The following SNX25 variants were observed in gnomAD, a reference collection of about 807,000 sequenced individuals.
The protein encoded by SNX25 is sorting nexin 25, also known as sorting nexin-25.
A neutral mutation model predicts 113.7 loss-of-function variants in SNX25; 62 were observed. The observed-to-expected ratio is 0.55, with a 90% CI of 0.44 to 0.67. The LOEUF is 0.67. Ranked by LOEUF, SNX25 falls within the 30% of genes least tolerant of loss-of-function variation. The probability of loss-of-function intolerance (pLI) is 0.00; values close to 1 mark genes in which losing one functional copy is unlikely to be tolerated. For missense variants in SNX25, 1,014 were observed against 1,161.0 expected, an observed-to-expected ratio of 0.87 and a Z score of 1.84; for synonymous variants, 421 against 436.2, an observed-to-expected ratio of 0.97 and a Z score of 0.43.
chr4:185,375,647 A>ATCACTCCT, the SNX25 span: 1 of 1,611,728 alleles, frequency 6.2e-7, no homozygotes, highest in Non-Finnish European at 8.5e-7. Flanking sequence ...ATCATAGTAC[A>ATCACTCCT]TCACTCCTAG....
chr4:185,339,437 A>T lies in SNX25; in HGVS notation c.1973A>T (p.Gln658Leu). 6.2e-7 allele frequency: 1 copy of T among 1,614,136 alleles called. No homozygotes were observed. The highest frequency in any genetic ancestry group is 8.5e-7 in the Non-Finnish European group (1 of 1,179,996). The change falls in exon 11 of 19, where the codon CAG (glutamine) becomes CTG (leucine). Residue 658 changes from glutamine to leucine, a missense_variant. Coordinates refer to ENST00000652585, the MANE Select transcript of SNX25 (RefSeq NM_001378034.2). Reference sequence around the variant, plus strand: ...ATAGAGAAAGAACGCACAGACCTTCAGCTGCACATGGCAAGAACGGATTGG... The same window carrying T: ...ATAGAGAAAGAACGCACAGACCTTCTGCTGCACATGGCAAGAACGGATTGG... ...ILIEKERTDL[Q>L]LHMARTDWWC...
At chr4:185,312,073 C>G (rs186739298) in intron 7 of SNX25, among the ~76,000 whole-genome samples, 28 of 152,294 alleles carry the variant, frequency 1.8e-4, no homozygotes, top group African/African-American at 6.7e-4. Context: ...CCCCTTCCTC[C>G]TCCTCATTAG....
intron 1 of SNX25, among the ~76,000 whole-genome samples, chr4:185,222,566 G>A (rs185341853): frequency 1.4e-4 from 21 of 152,270 alleles, no homozygotes; most frequent in African/African-American, 3.9e-4. Context: ...GCTATACAGC[G>A]GCATATACCG....
chr4:185,239,805 G>C (rs1401302857), intron 1 of SNX25, among the ~76,000 whole-genome samples: 1 of 137,668 alleles, frequency 7.3e-6, no homozygotes, highest in South Asian at 2.3e-4. Flanking sequence ...TCATTCTTGG[G>C]TGTTTCTCGC....
At chr4:185,257,176 GAAAA>G (rs11332633) in intron 2 of SNX25, among the ~76,000 whole-genome samples, 10 of 106,374 alleles carry the variant, frequency 9.4e-5, no homozygotes, top group South Asian at 9.4e-4. Context: ...TTTGAAAAGT[GAAAA>G]AAAAAAAAAA....
At chr4:185,222,282 G>A (rs72706101) in intron 1 of SNX25, among the ~76,000 whole-genome samples, 16 of 20,910 alleles carry the variant, frequency 7.7e-4, no homozygotes, top group African/African-American at 1.9e-3. Context: ...CCTCCTTCGC[G>A]GTAGGTATAC....
chr4:185,349,311 C>CTG (rs1395586199), intron 13 of SNX25, among the ~76,000 whole-genome samples: 1 of 152,202 alleles, frequency 6.6e-6, no homozygotes, highest in Non-Finnish European at 1.5e-5. Flanking sequence ...ATCCAGTCAT[C>CTG]TGTTGGACGC....
chr4:185,267,019 A>T lies in SNX25; in HGVS notation c.955A>T (p.Met319Leu). The T allele has an allele frequency of 1.9e-6, 3 of 1,613,980 alleles. No homozygotes were observed. The highest frequency in any genetic ancestry group is 2.5e-6 in the Non-Finnish European group (3 of 1,179,896). The change falls in exon 5 of 19, where the codon ATG (methionine) becomes TTG (leucine). Residue 319 changes from methionine to leucine, a missense_variant. Transcript: ENST00000652585. ...GAGTAATCCAGATTACATTAACCAA[A>T]TGCTGCTTGCCCAGCTGGCGTACAG... ...LLSNPDYINQ[M>L]LLAQLAYREQ...
chr4:185,362,835 GAC>G, intron 18 of SNX25, 124 bp downstream of exon 18: 8 of 390,788 alleles, frequency 2.0e-5, no homozygotes, highest in South Asian at 4.3e-5. Flanking sequence ...CATCTCCCTT[GAC>G]TTTTTTTTTT....
At chr4:185,225,850 A>G (rs962447517) in intron 1 of SNX25, among the ~76,000 whole-genome samples, 1 of 152,200 alleles carries the variant, frequency 6.6e-6, no homozygotes, top group Non-Finnish European at 1.5e-5. Flanking sequence ...GAAAAAACTA[A>G]GAATTAAACC....
upstream of SNX25, among the ~76,000 whole-genome samples, chr4:185,205,200 A>G (rs1737133383): frequency 6.6e-6 from 1 of 152,388 alleles, no homozygotes; most frequent in East Asian, 1.9e-4. Flanking sequence ...TCACCCCTGT[A>G]ATCCCAGCAC....
rs1404838926 is a variant in SNX25, at chr4:185,353,546, A to G, written c.2528A>G (p.Asp843Gly). The G allele has an allele frequency of 6.2e-7, 1 of 1,614,064 alleles. No homozygotes were observed. Among genetic ancestry groups the G allele is most frequent in the Non-Finnish European group, 8.5e-7 (1 of 1,180,032 alleles). The change falls in exon 15 of 19, where the codon GAC (aspartate) becomes GGC (glycine). Residue 843 changes from aspartate to glycine, a missense_variant. By Grantham distance (94) the Asp-to-Gly change is moderately conservative. Coordinates refer to ENST00000652585, the MANE Select transcript of SNX25 (RefSeq NM_001378034.2). ...DYGDDVDGRKDALAEPCFMLI... is the reference protein window; with the variant it reads ...DYGDDVDGRKGALAEPCFMLI... ...GGTGATGATGTGGATGGGAGGAAAGACGCCTTGGCTGAACCATGTTTCATG... is the reference window on the plus strand; with the variant it reads ...GGTGATGATGTGGATGGGAGGAAAGGCGCCTTGGCTGAACCATGTTTCATG...
intron 12 of SNX25, among the ~76,000 whole-genome samples, chr4:185,344,722 G>C (rs1297353902): frequency 6.6e-6 from 1 of 152,192 alleles, no homozygotes; most frequent in Non-Finnish European, 1.5e-5. Flanking sequence ...GCACCTCTCA[G>C]ACTCCTCTTC....
intron 5 of SNX25, among the ~76,000 whole-genome samples, chr4:185,271,760 G>T (rs1748963854): frequency 6.6e-6 from 1 of 152,188 alleles, no homozygotes; most frequent in Non-Finnish European, 1.5e-5. Context: ...TTACATATTT[G>T]AGAGATGCGT....
At chr4:185,353,464 A>G (rs564360840) in intron 14 of SNX25, 21 bp from the exon 15 acceptor site, 62 of 1,578,940 alleles carry the variant, frequency 3.9e-5, no homozygotes, top group South Asian at 1.2e-4. Flanking sequence ...TCTGCTTCCT[A>G]TGACTTTGCT....
chr4:185,314,442 C>T (rs1282128569), intron 7 of SNX25, among the ~76,000 whole-genome samples: 1 of 151,710 alleles, frequency 6.6e-6, no homozygotes, highest in Non-Finnish European at 1.5e-5. Context: ...ACATCACTAA[C>T]AGATGCTACA....
intron 15 of SNX25, 123 bp downstream of exon 15, chr4:185,353,725 C>CTG: frequency 1.2e-6 from 1 of 844,888 alleles, no homozygotes; most frequent in Non-Finnish European, 2.0e-6. Context: ...TATATTCATG[C>CTG]ATCCATTCAT....
chr4:185,300,350 G>A (rs1288919180), intron 6 of SNX25, among the ~76,000 whole-genome samples: 1 of 147,532 alleles, frequency 6.8e-6, no homozygotes, highest in African/African-American at 2.5e-5. Flanking sequence ...TGTATTTTTA[G>A]TAGAGATGGG....
At chr4:185,229,660 A>G (rs1349193118) in intron 1 of SNX25, among the ~76,000 whole-genome samples, 1 of 152,172 alleles carries the variant, frequency 6.6e-6, no homozygotes, top group Non-Finnish European at 1.5e-5. Flanking sequence ...GCTCAGGCAC[A>G]GTTTTGCTGA....
Sources: allele counts gnomAD v4.1 joint callset (sites outside exome capture counted in the v4.1 genomes callset), GRCh38; gene constraint gnomAD v4.1.1; transcripts MANE v1.5; gene names NCBI Gene and HGNC (gene_info 2026-07-23, HGNC 2026-07-21).